Variants in CPXM2 observed in about 807,000 individuals in gnomAD.
CPXM2 encodes inactive carboxypeptidase-like protein X2.
Under a neutral mutation model 86.1 loss-of-function variants are expected in CPXM2, and 66 were observed. The ratio of observed to expected loss-of-function variants is 0.77; its 90% CI spans 0.63 to 0.94. The LOEUF is 0.94. Among genes scored for constraint, CPXM2 ranks in the 40% least tolerant of loss-of-function variants. The probability of loss-of-function intolerance (pLI) is 0.00; values close to 1 mark genes in which losing one functional copy is unlikely to be tolerated. For missense variants in CPXM2, 948 were observed against 1,026.3 expected (o/e 0.92, Z 1.04); for synonymous variants, 388 against 400.2 (o/e 0.97, Z 0.36).
intron 3 of CPXM2, among the ~76,000 whole-genome samples, chr10:123,857,056 C>T (rs1033794666): frequency 2.0e-5 from 3 of 152,116 alleles, no homozygotes; most frequent in Admixed American, 1.3e-4. Flanking sequence ...CCTGGGCGCA[C>T]AGGAAGAATA....
At chr10:123,831,830 G>A (rs998707899) in intron 4 of CPXM2, among the ~76,000 whole-genome samples, 7 of 151,816 alleles carry the variant, frequency 4.6e-5, no homozygotes, top group Non-Finnish European at 8.8e-5. Flanking sequence ...CTACCCTAAA[G>A]TCAAGCAATT....
At chr10:123,763,753 A>G (rs1368177013) in intron 10 of CPXM2, among the ~76,000 whole-genome samples, 1 of 152,042 alleles carries the variant, frequency 6.6e-6, no homozygotes, top group African/African-American at 2.4e-5. Context: ...GTAATTTTCA[A>G]TCTTTTGCTA....
chr10:123,803,731 G>A (rs1360068776), intron 4 of CPXM2, among the ~76,000 whole-genome samples: 3 of 151,784 alleles, frequency 2.0e-5, no homozygotes, highest in Non-Finnish European at 4.4e-5. Flanking sequence ...ATGCGATCTC[G>A]GCTCACTGCA....
At chr10:123,833,647 G>C (rs117398740) in intron 4 of CPXM2, among the ~76,000 whole-genome samples, 1 of 152,190 alleles carries the variant, frequency 6.6e-6, no homozygotes, top group Non-Finnish European at 1.5e-5. Flanking sequence ...TCTCCTCTTC[G>C]CACAGTCCAG....
intron 2 of CPXM2, among the ~76,000 whole-genome samples, chr10:123,901,129 A>T (rs749172881): frequency 6.6e-6 from 1 of 152,232 alleles, no homozygotes; most frequent in Non-Finnish European, 1.5e-5. Context: ...ACACAGTAAG[A>T]AAAATAGATC....
intron 4 of CPXM2, among the ~76,000 whole-genome samples, chr10:123,842,049 C>T (rs1848397906): frequency 6.6e-6 from 1 of 152,204 alleles, no homozygotes; most frequent in Admixed American, 6.5e-5. Flanking sequence ...ACTAATATCT[C>T]GTCCCAGAGC....
In CPXM2 at chr10:123,928,363, G is replaced by A. The variant is rs1240103260; in HGVS notation, n.174+11114C>T. Reference sequence around the variant, plus strand: ...TTTGAGATGCAGATTTTAAATGACTGCAATTTAAAATTGGTGAATTTTATT... The same window carrying A: ...TTTGAGATGCAGATTTTAAATGACTACAATTTAAAATTGGTGAATTTTATT... On this transcript the variant is annotated intron_variant and non_coding_transcript_variant, in intron 2 of 19. Transcript: ENST00000368854. Among the ~76,000 whole-genome samples the A allele has an allele frequency of 3.3e-5, 5 of 152,176 alleles. No individual in the cohort carries two copies. The East Asian group carries it at 9.6e-4, about 29-fold the overall frequency.
At chr10:123,890,037 G>A (rs1050287279) in intron 1 of CPXM2, among the ~76,000 whole-genome samples, 1 of 152,214 alleles carries the variant, frequency 6.6e-6, no homozygotes, top group African/African-American at 2.4e-5. Flanking sequence ...AAGTGACGCT[G>A]AGCAAGTTAC....
At chr10:123,870,506 T>C (rs1944876281) in intron 2 of CPXM2, among the ~76,000 whole-genome samples, 1 of 152,254 alleles carries the variant, frequency 6.6e-6, no homozygotes, top group Admixed American at 6.5e-5. Flanking sequence ...TGCCTTCGCC[T>C]TTCTGAACTT....
In CPXM2 at chr10:123,768,527, C is replaced by T; in HGVS notation, c.1298G>A (p.Gly433Glu). The change falls in exon 9 of 14, where the codon GGG becomes GAG. Residue 433 changes from glycine (G) to glutamate (E), a missense_variant and splice_region_variant. Coordinates refer to ENST00000241305, the MANE Select transcript of CPXM2 (RefSeq NM_198148.3). Reference protein sequence around the residue: ...NPDGYEKAYEGGSELGGWSLG... With the variant: ...NPDGYEKAYEEGSELGGWSLG... ...GGTGAGATGGGCCAGGGCCATTACC[C>T]CTTCGTAGGCCTTCTCGTAGCCATC... The T allele has an allele frequency of 6.2e-7, 1 of 1,611,216 alleles. No individual in the cohort carries two copies. Among genetic ancestry groups the T allele is most frequent in the Non-Finnish European group, 8.5e-7 (1 of 1,178,216 alleles).
At chr10:123,812,546 G>A (rs1042136127) in intron 4 of CPXM2, among the ~76,000 whole-genome samples, 2 of 152,154 alleles carry the variant, frequency 1.3e-5, no homozygotes, top group Non-Finnish European at 2.9e-5. Flanking sequence ...ACACTAACAG[G>A]ACAATATTCT....
chr10:123,827,742 G>A (rs1044957878), intron 4 of CPXM2, among the ~76,000 whole-genome samples: 18 of 152,070 alleles, frequency 1.2e-4, no homozygotes, highest in African/African-American at 4.1e-4. Context: ...AAAAGCAAAG[G>A]AGCAAGAATA....
At chr10:123,793,969 C>A (rs887257996) in intron 6 of CPXM2, among the ~76,000 whole-genome samples, 2 of 152,224 alleles carry the variant, frequency 1.3e-5, no homozygotes, top group Non-Finnish European at 2.9e-5. Context: ...TGAAACATCA[C>A]AGTTTAGCAA....
chr10:123,845,109 AC>A (rs1257061406), intron 3 of CPXM2, among the ~76,000 whole-genome samples: 3 of 149,940 alleles, frequency 2.0e-5, no homozygotes, highest in Non-Finnish European at 4.4e-5. Context: ...CCATATCTCC[AC>A]CCCCACTCCA....
intron 1 of CPXM2, among the ~76,000 whole-genome samples, chr10:123,884,493 G>A (rs985570322): frequency 2.0e-5 from 3 of 152,190 alleles, no homozygotes; most frequent in Non-Finnish European, 4.4e-5. Context: ...AGGACTGGAA[G>A]CTCCCAGAGG....
exon 1 of CPXM2, chr10:123,940,194 T>C (rs777414744): frequency 6.6e-6 from 1 of 152,250 alleles, no homozygotes; most frequent in Non-Finnish European, 1.5e-5. Context: ...GGAGGCAAGG[T>C]CTGCAGCCTG....
chr10:123,844,548 T>C (rs1039085102), intron 3 of CPXM2, among the ~76,000 whole-genome samples: 4 of 152,158 alleles, frequency 2.6e-5, no homozygotes, highest in Non-Finnish European at 5.9e-5. Context: ...CCTGATACTG[T>C]CTAAGGTCAA....
rs1015952901 is a variant in CPXM2, at chr10:123,829,648, T to A, written c.653+12701A>T. On this transcript the variant is annotated intron_variant, in intron 4 of 13. Transcript: ENST00000241305. Reference sequence around the variant, plus strand: ...CTAAAAGATCAACAGAAATTTTTCATGGAGATAATTTGGACCTTATTGAAA... The same window carrying A: ...CTAAAAGATCAACAGAAATTTTTCAAGGAGATAATTTGGACCTTATTGAAA... Among the ~76,000 whole-genome samples, 7 of 152,290 alleles carry A rather than the reference T, an allele frequency of 4.6e-5. No homozygotes were observed. In the South Asian group the frequency reaches 1.0e-3, roughly 23 times the overall value.
At position 123,746,191 on chromosome 10, in the gene CPXM2, G is replaced by T. The variant is rs1387339036; in HGVS notation, c.*573C>A. ...CTTTGTTGAAAAAGGAGACTAAACAGATTCAAGAGGCTCACTGATGTGCAC... is the reference window on the plus strand; with the variant it reads ...CTTTGTTGAAAAAGGAGACTAAACATATTCAAGAGGCTCACTGATGTGCAC... On this transcript the variant is annotated 3_prime_UTR_variant, in exon 14 of 14. Coordinates refer to ENST00000241305, the MANE Select transcript of CPXM2 (RefSeq NM_198148.3). 6.5e-6 allele frequency: 1 copy of T among 153,508 alleles called. No individual in the cohort carries two copies. Among genetic ancestry groups the T allele is most frequent in the Non-Finnish European group, 1.4e-5 (1 of 69,076 alleles). 9.5% of individuals were successfully genotyped at this position (153,508 alleles called of 1,614,324 possible).
Sources: gnomAD v4.1 joint callset for allele counts (sites outside exome capture counted in the v4.1 genomes callset) on GRCh38, gnomAD v4.1.1 for gene constraint, MANE v1.5 for transcripts, NCBI Gene and HGNC (gene_info 2026-07-23, HGNC 2026-07-21) for gene names.